Variants in SHROOM2 observed in about 807,000 individuals in gnomAD.
SHROOM2 encodes the protein protein Shroom2.
SHROOM2 carries 33 observed loss-of-function variants against 75.9 expected under a neutral mutation model. The observed-to-expected ratio is 0.43, with a 90% CI of 0.33 to 0.58. The LOEUF (loss-of-function observed/expected upper bound fraction) is 0.58. Among genes scored for constraint, SHROOM2 ranks in the 20% least tolerant of loss-of-function variants. The pLI is 0.04. For synonymous variants in SHROOM2, 655 were observed against 663.6 expected, an observed-to-expected ratio of 0.99 and a Z score of 0.20; for missense variants, 1,434 against 1,461.2, an observed-to-expected ratio of 0.98 and a Z score of 0.30.
intron 5 of SHROOM2, among the ~76,000 whole-genome samples, chrX:9,923,114 A>G (rs750905979): frequency 1.8e-5 from 2 of 111,767 alleles, no homozygotes; most frequent in South Asian, 7.5e-4. Context: ...AGTCTGATGA[A>G]TTTGTAAAAC....
intron 5 of SHROOM2, among the ~76,000 whole-genome samples, chrX:9,926,286 T>C (rs2084593378): frequency 8.9e-6 from 1 of 111,994 alleles, no homozygotes; most frequent in Admixed American, 9.5e-5. Context: ...CACAGGCAGC[T>C]AGCACAGCTC....
At chrX:9,795,942 A>C (rs1476452745) in intron 1 of SHROOM2, among the ~76,000 whole-genome samples, 2 of 110,811 alleles carry the variant, frequency 1.8e-5, no homozygotes, top group Admixed American at 1.9e-4. Context: ...GGTTACCACT[A>C]GGCAGAGGAG....
At chrX:9,893,235 T>C (rs2084304057) in intron 3 of SHROOM2, among the ~76,000 whole-genome samples, 1 of 111,812 alleles carries the variant, frequency 8.9e-6, no homozygotes, top group Admixed American at 9.5e-5. Context: ...CCCAAGTAGC[T>C]GGGACTACAG....
At chrX:9,811,216 T>C (rs2083789884) in intron 1 of SHROOM2, among the ~76,000 whole-genome samples, 1 of 112,012 alleles carries the variant, frequency 8.9e-6, no homozygotes, top group Non-Finnish European at 1.9e-5. Context: ...TGTTGGTCTC[T>C]GCTGCTGGCA....
intron 1 of SHROOM2, among the ~76,000 whole-genome samples, chrX:9,808,781 G>C (rs1363376365): frequency 5.4e-5 from 6 of 110,383 alleles, no homozygotes; most frequent in African/African-American, 2.0e-4. Context: ...AGAATCGCTT[G>C]AACCTGGGAA....
intron 8 of SHROOM2, among the ~76,000 whole-genome samples, chrX:9,943,852 A>C (rs1039003319): frequency 4.5e-5 from 5 of 111,346 alleles, no homozygotes; most frequent in African/African-American, 1.6e-4. Flanking sequence ...AGCAATTAAA[A>C]TTTTTTTTCT....
chrX:9,799,578 A>G (rs888055491), intron 1 of SHROOM2, among the ~76,000 whole-genome samples: 7 of 111,490 alleles, frequency 6.3e-5, no homozygotes, highest in African/African-American at 2.0e-4. Flanking sequence ...AAAATGTTCA[A>G]TTCCTATGAA....
At chrX:9,829,315 C>T (rs999697247) in intron 1 of SHROOM2, among the ~76,000 whole-genome samples, 1 of 112,563 alleles carries the variant, frequency 8.9e-6, no homozygotes, top group African/African-American at 3.2e-5. Context: ...TGAGCCACCA[C>T]GCCTGGACCC....
rs752741767 is a variant in SHROOM2, at chrX:9,932,325, C to T, written c.3042C>T (p.Thr1014=). 12 of 1,206,951 alleles carry T rather than the reference C, an allele frequency of 9.9e-6. No individual in the cohort carries two copies. The Admixed American group carries it at 2.2e-4, about 22-fold the overall frequency. Residue 1014 remains threonine (T), a synonymous_variant, in exon 6 of 10, where the codon ACC becomes ACT. Coordinates refer to ENST00000380913, the MANE Select transcript of SHROOM2 (RefSeq NM_001649.4). ...GGGAGGGCCGGGGCCGAGCGGGAAC[C>T]CTACCTCGAGATTATAGATACTCGG... is the stretch of plus-strand genomic sequence containing the variant. The part of the protein sequence containing the change: ...LPREGRGRAG[T]LPRDYRYSEE...
At position 9,936,980 on chromosome X, in the gene SHROOM2, C is replaced by T. The variant is rs768814439; in HGVS notation, c.3588-154C>T. Among the ~76,000 whole-genome samples, 10 of 111,213 alleles carry T rather than the reference C, an allele frequency of 9.0e-5. No homozygotes were observed. In the East Asian group the frequency reaches 2.9e-3, roughly 32 times the overall value. On this transcript the variant is annotated intron_variant, in intron 6 of 9. Transcript: ENST00000380913. ...GAGCTTCTTGAGGCCTCTGCCTCAT[C>T]CAGGATGTGGGATCATGGAGGCTCC...
At chrX:9,917,200 G>A (rs1485666000) in intron 5 of SHROOM2, among the ~76,000 whole-genome samples, 2 of 111,780 alleles carry the variant, frequency 1.8e-5, no homozygotes, top group Non-Finnish European at 3.8e-5. Context: ...GAAACTCGTG[G>A]TCCTATTGGA....
intron 9 of SHROOM2, among the ~76,000 whole-genome samples, chrX:9,945,431 G>A (rs990227336): frequency 9.0e-6 from 1 of 111,422 alleles, no homozygotes; most frequent in South Asian, 3.8e-4. Flanking sequence ...TAATTGAGGG[G>A]AAAAGGTGCT....
intron 1 of SHROOM2, among the ~76,000 whole-genome samples, chrX:9,802,646 T>A (rs1229968319): frequency 8.9e-6 from 1 of 111,944 alleles, no homozygotes; most frequent in African/African-American, 3.2e-5. Flanking sequence ...TGGCTCTGTT[T>A]CATTGCTGGT....
intron 7 of SHROOM2, among the ~76,000 whole-genome samples, chrX:9,938,532 G>A (rs1269094810): frequency 3.6e-5 from 4 of 111,971 alleles, no homozygotes; most frequent in African/African-American, 1.3e-4. Context: ...CAGTGTGGGT[G>A]ACAGAGTAAG....
chrX:9,907,543 A>T (rs1387913014), intron 5 of SHROOM2, among the ~76,000 whole-genome samples: 1 of 111,233 alleles, frequency 9.0e-6, no homozygotes, highest in African/African-American at 3.3e-5. Context: ...GTGGTGTCAG[A>T]TGGTAAAGGG....
chrX:9,805,914 A>C (rs1173150525), intron 1 of SHROOM2, among the ~76,000 whole-genome samples: 18 of 108,567 alleles, frequency 1.7e-4, no homozygotes, highest in South Asian at 1.6e-3. Context: ...AAAAAAAAAA[A>C]AAAAACAAAA....
At chrX:9,941,926 G>C (rs1404594045) in intron 8 of SHROOM2, among the ~76,000 whole-genome samples, 1 of 100,773 alleles carries the variant, frequency 9.9e-6, no homozygotes, top group Non-Finnish European at 2.0e-5. Context: ...AGCTGAGATA[G>C]CGCCACTGCA....
intron 1 of SHROOM2, chrX:9,819,225 T>G: frequency 1.1e-6 from 1 of 913,157 alleles, no homozygotes; most frequent in South Asian, 2.2e-5. Context: ...AACAAATTTT[T>G]TAATGAGTCC....
chrX:9,917,526 G>T (rs2084501360), intron 5 of SHROOM2, among the ~76,000 whole-genome samples: 1 of 110,770 alleles, frequency 9.0e-6, no homozygotes, highest in South Asian at 3.9e-4. Context: ...TGTTGTTGTT[G>T]TTGTTGTTTT....
Sources: gnomAD v4.1 joint callset for allele counts (sites outside exome capture counted in the v4.1 genomes callset) on GRCh38, gnomAD v4.1.1 for gene constraint, MANE v1.5 for transcripts, NCBI Gene and HGNC (gene_info 2026-07-23, HGNC 2026-07-21) for gene names.